HAUS6: variants seen among roughly 807,000 people sequenced by gnomAD.
The protein encoded by HAUS6 is HAUS augmin like complex subunit 6, also known as HAUS augmin-like complex subunit 6.
HAUS6 carries 80 observed loss-of-function variants against 106.8 expected under a neutral mutation model. That is an observed-to-expected ratio of 0.75 (90% confidence interval 0.63 to 0.90). The LOEUF is 0.90. HAUS6 is among the 40% of genes least tolerant of loss of function. The pLI is 0.00. For missense variants in HAUS6, 1,155 were observed against 1,118.1 expected, an observed-to-expected ratio of 1.03 and a Z score of -0.47; for synonymous variants, 356 against 379.1, an observed-to-expected ratio of 0.94 and a Z score of 0.71.
intron 2 of HAUS6, among the ~76,000 whole-genome samples, chr9:19,095,235 T>A (rs72696485): frequency 0.035 from 5,316 of 152,116 alleles, 112 homozygotes; most frequent in Non-Finnish European, 0.051. Flanking sequence ...TGGTCAAAAA[T>A]ATTAGGGTTT....
At chr9:19,088,038 G>A (rs1277337078) in intron 5 of HAUS6, among the ~76,000 whole-genome samples, 1 of 152,036 alleles carries the variant, frequency 6.6e-6, no homozygotes, top group Admixed American at 6.6e-5. Context: ...ATAGCATTAA[G>A]TGGTTTAAAA....
At chr9:19,098,345 G>A (rs982797931) in intron 1 of HAUS6, among the ~76,000 whole-genome samples, 9 of 151,572 alleles carry the variant, frequency 5.9e-5, no homozygotes, top group Non-Finnish European at 1.3e-4. Context: ...GGCTGAGGCA[G>A]GAGAATCGCT....
chr9:19,101,051 T>C (rs74386364), intron 1 of HAUS6, among the ~76,000 whole-genome samples: 17,920 of 152,228 alleles, frequency 0.12, 1,264 homozygotes, highest in Admixed American at 0.17. Context: ...TAGTTAAAAA[T>C]AATTTATTGT....
At chr9:19,101,892 C>CCTGG (rs900238576) in intron 1 of HAUS6, among the ~76,000 whole-genome samples, 3 of 152,160 alleles carry the variant, frequency 2.0e-5, no homozygotes, top group African/African-American at 7.2e-5. Flanking sequence ...TGCACTCCAG[C>CCTGG]CTGGCAACAG....
chr9:19,072,347 T>A (rs1369517973), intron 11 of HAUS6, among the ~76,000 whole-genome samples: 1 of 152,090 alleles, frequency 6.6e-6, no homozygotes, highest in Non-Finnish European at 1.5e-5. Flanking sequence ...ACCCCGTCTC[T>A]ACTAAAAATA....
chr9:19,058,760 A>G lies in HAUS6; in HGVS notation c.2007T>C (p.His669=), dbSNP rs1836539979. The G allele has an allele frequency of 6.2e-7, 1 of 1,614,078 alleles. No individual in the cohort carries two copies. The highest frequency in any genetic ancestry group is 8.5e-7 in the Non-Finnish European group (1 of 1,180,038). Residue 669 remains histidine, a synonymous_variant, in exon 16 of 17, where the codon CAT becomes CAC. Coordinates refer to ENST00000380502, the MANE Select transcript of HAUS6 (RefSeq NM_017645.5). Reference sequence around the variant, plus strand: ...GTTCATCTATGTGACTGGTCAGCACATGTTTCTGAGGCACACACTCGCAAT... The same window carrying G: ...GTTCATCTATGTGACTGGTCAGCACGTGTTTCTGAGGCACACACTCGCAAT... The part of the protein sequence containing the change: ...ISDCECVPQK[H]VLTSHIDEPP...
Position 19,087,240 on chromosome 9 carries a change from T to C in HAUS6, c.585-84A>G, listed in dbSNP as rs575483757. ...CACTTCTCTATTTTCCCTTTGCATA[T>C]CCTTGTTTAAGGCCTCTGGGTACAG... On this transcript the variant is annotated intron_variant, in intron 5 of 16. Transcript: ENST00000380502. The C allele has an allele frequency of 1.5e-5, 12 of 826,922 alleles. No homozygotes were observed. The South Asian group carries it at 1.7e-4, about 12-fold the overall frequency. 51.2% of individuals were successfully genotyped at this position (826,922 alleles called of 1,614,324 possible).
rs1818015345 is a variant in HAUS6 at position 19,102,618 on chromosome 9, C to G, written c.34G>C (p.Glu12Gln). 1 of 1,613,098 alleles carries G rather than the reference C, an allele frequency of 6.2e-7. No homozygotes were observed. The highest frequency in any genetic ancestry group is 1.3e-5 in the African/African-American group (1 of 74,906). ...GCCTGCAGATACATCCAGAGATGCT[C>G]CTTCTCGAAAGCGGTGACCGAGGCC... ...SSASVTAFEK[E>Q]HLWMYLQALG... Residue 12 changes from glutamate to glutamine, a missense_variant, in exon 1 of 17, where the codon GAG becomes CAG. Glu to Gln is a conservative substitution (Grantham distance 29). Coordinates refer to ENST00000380502, the MANE Select transcript of HAUS6 (RefSeq NM_017645.5).
At chr9:19,066,191 A>T (rs182469092) in intron 12 of HAUS6, among the ~76,000 whole-genome samples, 45 of 152,130 alleles carry the variant, frequency 3.0e-4, no homozygotes, top group Admixed American at 2.0e-3. Flanking sequence ...CTGCCTCAGC[A>T]TCCCAAAGTG....
chr9:19,053,896 G>A lies in HAUS6; in HGVS notation c.*2447C>T, dbSNP rs1241261088. On this transcript the variant is annotated 3_prime_UTR_variant, in exon 17 of 17. Coordinates refer to ENST00000380502, the MANE Select transcript of HAUS6 (RefSeq NM_017645.5). ...AACACACATTTACATAGGTGTATAT[G>A]TATTTATGCATGTATGTGTATATTG... The A allele has an allele frequency of 2.0e-5, 3 of 151,998 alleles. No homozygotes were observed. The highest frequency in any genetic ancestry group is 4.4e-5 in the Non-Finnish European group (3 of 67,970). 9.4% of individuals were successfully genotyped at this position (151,998 alleles called of 1,614,324 possible).
In HAUS6 at chr9:19,069,257, A is replaced by G. The variant is rs567679918; in HGVS notation, c.1376+962T>C. 5.2e-4 allele frequency among the ~76,000 whole-genome samples: 79 copies of G among 152,358 alleles called. No individual in the cohort carries two copies. The Middle Eastern group carries it at 0.017, about 33-fold the overall frequency. On this transcript the variant is annotated intron_variant, in intron 12 of 16. Transcript: ENST00000380502. ...AAAAGGCAAAAACTCTCAAATTTGC[A>G]TTAGATAATTTCCAAATAATCCCCA...
At position 19,076,640 on chromosome 9, in the gene HAUS6, G is replaced by C; in HGVS notation, c.1256C>G (p.Ala419Gly). Residue 419 changes from alanine (A) to glycine (G), a missense_variant, in exon 11 of 17, where the codon GCA becomes GGA. Physicochemically the swap from Ala to Gly is moderately conservative, Grantham distance 60. Transcript: ENST00000380502. ...AGGATACTGACAAAGAATACTCTTT[G>C]CATACACTTCTTCTGAGGCAGGATC... ...SFDPASEEVY[A>G]KSILCQYPAS... 6.3e-7 allele frequency: 1 copy of C among 1,590,332 alleles called. No homozygotes were observed. Among genetic ancestry groups the C allele is most frequent in the African/African-American group, 1.3e-5 (1 of 74,624 alleles).
intron 12 of HAUS6, among the ~76,000 whole-genome samples, chr9:19,069,416 C>A (rs1041562173): frequency 1.5e-4 from 23 of 152,102 alleles, no homozygotes; most frequent in African/African-American, 5.6e-4. Flanking sequence ...TGGCCGGGTG[C>A]GGTGGCTCAC....
chr9:19,075,546 C>G (rs889470769), intron 11 of HAUS6, among the ~76,000 whole-genome samples: 1 of 151,982 alleles, frequency 6.6e-6, no homozygotes, highest in African/African-American at 2.4e-5. Flanking sequence ...TTTGAGAAAA[C>G]ATTGTGCAAA....
At chr9:19,074,184 T>A (rs1588609248) in intron 11 of HAUS6, among the ~76,000 whole-genome samples, 1 of 150,988 alleles carries the variant, frequency 6.6e-6, no homozygotes, top group Non-Finnish European at 1.5e-5. Flanking sequence ...GAGGCGAAGG[T>A]TGCAATGAGC....
At chr9:19,097,321 G>T (rs973371527) in intron 1 of HAUS6, among the ~76,000 whole-genome samples, 3 of 152,068 alleles carry the variant, frequency 2.0e-5, no homozygotes, top group African/African-American at 7.2e-5. Flanking sequence ...GCAACCTACG[G>T]AAAGGGAGAA....
At chr9:19,089,341 T>C (rs1159559481) in intron 5 of HAUS6, 71 bp downstream of exon 5, 1 of 970,762 alleles carries the variant, frequency 1.0e-6, no homozygotes, top group Non-Finnish European at 1.6e-6. Flanking sequence ...GGATTATTTC[T>C]CCTGACATTA....
chr9:19,067,059 G>C (rs1014157860), intron 12 of HAUS6, among the ~76,000 whole-genome samples: 2 of 151,164 alleles, frequency 1.3e-5, no homozygotes, highest in Admixed American at 6.6e-5. Flanking sequence ...ATATCTTTTG[G>C]TATCCATGAA....
intron 8 of HAUS6, 47 bp downstream of exon 8, chr9:19,082,826 A>C (rs779193026): frequency 3.2e-6 from 3 of 931,802 alleles, no homozygotes; most frequent in Middle Eastern, 3.4e-4. Context: ...ATATACAATT[A>C]CATGATAGGA....
Sources: gnomAD v4.1 joint callset for allele counts (sites outside exome capture counted in the v4.1 genomes callset) on GRCh38, gnomAD v4.1.1 for gene constraint, MANE v1.5 for transcripts, NCBI Gene and HGNC (gene_info 2026-07-23, HGNC 2026-07-21) for gene names.